HSD17B12: variants seen among roughly 807,000 people sequenced by gnomAD.
HSD17B12 encodes hydroxysteroid 17-beta dehydrogenase 12.
Under a neutral mutation model 39.3 loss-of-function variants are expected in HSD17B12, and 32 were observed. The observed-to-expected ratio is 0.81, with a 90% CI of 0.61 to 1.09. The LOEUF (loss-of-function observed/expected upper bound fraction) is 1.09, where lower values mean the gene tolerates loss of function less well. Among genes scored for constraint, HSD17B12 ranks in the 50% least tolerant of loss-of-function variants. The pLI is 0.00. For missense variants in HSD17B12, 342 were observed against 382.9 expected (o/e 0.89, Z 0.89); for synonymous variants, 150 against 146.7 (o/e 1.02, Z -0.16).
chr11:43,798,686 C>A (rs1950937148), intron 4 of HSD17B12, among the ~76,000 whole-genome samples: 1 of 152,050 alleles, frequency 6.6e-6, no homozygotes, highest in African/African-American at 2.4e-5. Context: ...ATACAGTTGT[C>A]CCTGGGTATC....
At chr11:43,672,270 C>A in the HSD17B12 span, among the ~76,000 whole-genome samples, 4 of 152,074 alleles carry the variant, frequency 2.6e-5, no homozygotes, top group East Asian at 7.8e-4. Context: ...AGGATGGTGT[C>A]AATCTCCTGA....
chr11:43,769,657 G>A (rs1950630912), intron 3 of HSD17B12, among the ~76,000 whole-genome samples: 1 of 152,198 alleles, frequency 6.6e-6, no homozygotes, highest in Non-Finnish European at 1.5e-5. Context: ...CTTAAAATCA[G>A]TGTTTTTGAC....
At chr11:43,637,261 C>A in the HSD17B12 span, among the ~76,000 whole-genome samples, 3 of 142,608 alleles carry the variant, frequency 2.1e-5, no homozygotes, top group African/African-American at 7.7e-5. Flanking sequence ...TCCTCTGTCA[C>A]CCAGGCTGGA....
intron 6 of HSD17B12, chr11:43,830,642 C>T (rs561251741): frequency 5.8e-6 from 1 of 171,578 alleles, no homozygotes; most frequent in Admixed American, 6.3e-5. Context: ...AACATATATT[C>T]TTTTCTGAGA....
chr11:43,561,231 G>A, the HSD17B12 span, among the ~76,000 whole-genome samples: 2 of 152,196 alleles, frequency 1.3e-5, no homozygotes, highest in African/African-American at 4.8e-5. Context: ...ATGAATAATT[G>A]TGCTAATTAT....
chr11:43,795,630 C>T (rs1376956438), intron 3 of HSD17B12, among the ~76,000 whole-genome samples: 1 of 152,142 alleles, frequency 6.6e-6, no homozygotes, highest in Non-Finnish European at 1.5e-5. Flanking sequence ...ACAATCTCTG[C>T]CTCCGAACAT....
At chr11:43,777,379 G>A (rs1950717113) in intron 3 of HSD17B12, among the ~76,000 whole-genome samples, 1 of 152,176 alleles carries the variant, frequency 6.6e-6, no homozygotes, top group South Asian at 2.1e-4. Context: ...TTGTGAATGG[G>A]AGTTCACTCA....
intron 9 of HSD17B12, chr11:43,854,225 G>C (rs888636554): frequency 6.6e-6 from 1 of 152,344 alleles, no homozygotes; most frequent in Non-Finnish European, 1.5e-5. Flanking sequence ...AAGTAGTAAC[G>C]CAAGTCTGAG....
intron 3 of HSD17B12, among the ~76,000 whole-genome samples, chr11:43,777,813 C>T (rs1185612384): frequency 1.3e-5 from 2 of 152,156 alleles, no homozygotes; most frequent in African/African-American, 4.8e-5. Flanking sequence ...ATACCAGAAT[C>T]TCTGGGACAC....
At chr11:43,620,780 T>C in the HSD17B12 span, among the ~76,000 whole-genome samples, 2 of 152,354 alleles carry the variant, frequency 1.3e-5, no homozygotes, top group East Asian at 3.9e-4. Context: ...AGACGAGAAC[T>C]CTGGTCCATT....
intron 3 of HSD17B12, among the ~76,000 whole-genome samples, chr11:43,760,392 A>T (rs1039594125): frequency 2.0e-5 from 3 of 152,108 alleles, no homozygotes; most frequent in Admixed American, 2.0e-4. Flanking sequence ...ATAAACTTTG[A>T]TTTTTAAAAC....
upstream of HSD17B12, among the ~76,000 whole-genome samples, chr11:43,676,006 G>A (rs1949691123): frequency 6.6e-6 from 1 of 152,114 alleles, no homozygotes; most frequent in Non-Finnish European, 1.5e-5. Context: ...CAGCTAATTG[G>A]GAGGCTGAGG....
chr11:43,803,972 G>A (rs1736404151), intron 4 of HSD17B12, among the ~76,000 whole-genome samples: 2 of 152,182 alleles, frequency 1.3e-5, no homozygotes, highest in Admixed American at 1.3e-4. Flanking sequence ...TCTCATGTGT[G>A]CTCCAGATTG....
At chr11:43,749,510 G>T (rs1950445780) in intron 1 of HSD17B12, among the ~76,000 whole-genome samples, 1 of 152,108 alleles carries the variant, frequency 6.6e-6, no homozygotes, top group Non-Finnish European at 1.5e-5. Flanking sequence ...AAATAATCCA[G>T]TGTGAGAGGA....
At chr11:43,750,076 C>T (rs1306457435) in intron 1 of HSD17B12, among the ~76,000 whole-genome samples, 1 of 152,046 alleles carries the variant, frequency 6.6e-6, no homozygotes, top group Non-Finnish European at 1.5e-5. Context: ...TTTTACTACC[C>T]TTTGTTTTAA....
chr11:43,625,066 G>A, the HSD17B12 span, among the ~76,000 whole-genome samples: 2 of 151,560 alleles, frequency 1.3e-5, no homozygotes, highest in African/African-American at 4.8e-5. Context: ...AAAATTTAAA[G>A]GGCAGTTTTA....
At position 43,680,874 on chromosome 11, in the gene HSD17B12, C is replaced by G; in HGVS notation, c.47C>G (p.Ala16Gly). Residue 16 changes from alanine (A) to glycine (G), a missense_variant, in exon 1 of 11, where the codon GCG (alanine) becomes GGG (glycine). By Grantham distance (60) the Ala-to-Gly change is moderately conservative. Coordinates refer to ENST00000278353, the MANE Select transcript of HSD17B12 (RefSeq NM_016142.3). ...GCCGGCTTCCTGTACTGGGTCGGCGCGGGCACCGTGGCCTACCTAGCCCTG... is the reference window on the plus strand; with the variant it reads ...GCCGGCTTCCTGTACTGGGTCGGCGGGGGCACCGTGGCCTACCTAGCCCTG... ...PAAGFLYWVG[A>G]GTVAYLALRI... The G allele has an allele frequency of 6.2e-7, 1 of 1,614,144 alleles. No individual in the cohort carries two copies. The highest frequency in any genetic ancestry group is 8.5e-7 in the Non-Finnish European group (1 of 1,180,032).
At chr11:43,753,657 T>C (rs1480967002) in intron 2 of HSD17B12, among the ~76,000 whole-genome samples, 1 of 151,876 alleles carries the variant, frequency 6.6e-6, no homozygotes, top group Non-Finnish European at 1.5e-5. Flanking sequence ...TAAGCAATTC[T>C]CCCACTTCGG....
chr11:43,752,628 C>T (rs899756852), intron 2 of HSD17B12, among the ~76,000 whole-genome samples: 10 of 151,834 alleles, frequency 6.6e-5, no homozygotes, highest in East Asian at 1.9e-4. Flanking sequence ...GCAGGAGAAT[C>T]GCTTGAACCC....
Sources: gnomAD v4.1 joint callset for allele counts (sites outside exome capture counted in the v4.1 genomes callset) on GRCh38, gnomAD v4.1.1 for gene constraint, MANE v1.5 for transcripts, NCBI Gene and HGNC (gene_info 2026-07-23, HGNC 2026-07-21) for gene names.